The following CCDC102B variants were observed in gnomAD, a reference collection of about 807,000 sequenced individuals.
CCDC102B encodes coiled-coil domain-containing protein 102B.
In CCDC102B, 75 loss-of-function variants were observed where a neutral mutation model predicts 57.4. That is an observed-to-expected ratio of 1.31 (90% confidence interval 1.08 to 1.58). The LOEUF (loss-of-function observed/expected upper bound fraction) is 1.58. Ranked by LOEUF, CCDC102B falls within the 40% of genes most tolerant of loss-of-function variation. The pLI, the probability that CCDC102B is intolerant of heterozygous loss-of-function variation, is 0.00. For missense variants in CCDC102B, 636 were observed against 582.6 expected, an observed-to-expected ratio of 1.09 and a Z score of -0.94; for synonymous variants, 206 against 201.9, an observed-to-expected ratio of 1.02 and a Z score of -0.17.
chr18:68,756,174 GAAC>G (rs1272756998), intron 2 of CCDC102B, among the ~76,000 whole-genome samples: 1 of 151,558 alleles, frequency 6.6e-6, no homozygotes, highest in African/African-American at 2.4e-5. Flanking sequence ...AAAGAAATAA[GAAC>G]AAATAATATG....
At chr18:68,771,532 T>C (rs897353958) in intron 2 of CCDC102B, among the ~76,000 whole-genome samples, 2 of 152,166 alleles carry the variant, frequency 1.3e-5, no homozygotes, top group Admixed American at 6.5e-5. Flanking sequence ...CCTCACCTTA[T>C]CTTGCTCTCT....
intron 6 of CCDC102B, among the ~76,000 whole-genome samples, chr18:68,985,528 G>T (rs1477653094): frequency 6.6e-6 from 1 of 152,134 alleles, no homozygotes; most frequent in Non-Finnish European, 1.5e-5. Context: ...ATTGGTAATG[G>T]TAGGAAGGAG....
At chr18:68,801,976 T>A (rs1330137684) in intron 1 of CCDC102B, among the ~76,000 whole-genome samples, 1 of 152,110 alleles carries the variant, frequency 6.6e-6, no homozygotes. Context: ...TGAACAAGCG[T>A]TTCTTCTCTG....
intron 2 of CCDC102B, among the ~76,000 whole-genome samples, chr18:68,725,691 G>A (rs758383586): frequency 1.3e-5 from 2 of 152,126 alleles, no homozygotes; most frequent in African/African-American, 2.4e-5. Context: ...GGCCTGTGTG[G>A]TTATTTTGGG....
At position 68,862,383 on chromosome 18, in the gene CCDC102B, C is replaced by T. The variant is rs2038799614; in HGVS notation, c.937-12286C>T. 2.6e-5 allele frequency among the ~76,000 whole-genome samples: 4 copies of T among 152,028 alleles called. No individual in the cohort carries two copies. In the South Asian group the frequency reaches 8.3e-4, roughly 32 times the overall value. ...CAGGCACTGAACCCTCACTTTAATG[C>T]AATTGAGTTAGGTATTACAAAATGG... On this transcript the variant is annotated intron_variant, in intron 4 of 7. Coordinates refer to ENST00000360242, the MANE Select transcript of CCDC102B (RefSeq NM_024781.3).
intron 6 of CCDC102B, among the ~76,000 whole-genome samples, chr18:68,937,748 T>C (rs1037474401): frequency 6.9e-6 from 1 of 144,428 alleles, no homozygotes; most frequent in African/African-American, 2.5e-5. Context: ...ATCCCTCCCC[T>C]ATCCCCCTAC....
intron 7 of CCDC102B, among the ~76,000 whole-genome samples, chr18:69,019,525 A>G (rs977480459): frequency 2.0e-5 from 3 of 151,840 alleles, no homozygotes; most frequent in Non-Finnish European, 4.4e-5. Context: ...TCTTGTTCAG[A>G]TAGTTTGTTT....
At chr18:68,896,042 G>T (rs1295433036) in intron 5 of CCDC102B, among the ~76,000 whole-genome samples, 1 of 151,950 alleles carries the variant, frequency 6.6e-6, no homozygotes, top group Admixed American at 6.6e-5. Flanking sequence ...AACCTTGTCA[G>T]ATTAAATAAG....
chr18:68,727,016 C>T (rs953834456), intron 2 of CCDC102B, among the ~76,000 whole-genome samples: 1 of 152,080 alleles, frequency 6.6e-6, no homozygotes, highest in East Asian at 1.9e-4. Context: ...AGAACTAATG[C>T]CAAATAGACC....
intron 7 of CCDC102B, among the ~76,000 whole-genome samples, chr18:69,053,191 T>G (rs1354257720): frequency 4.6e-5 from 7 of 151,758 alleles, no homozygotes; most frequent in African/African-American, 1.7e-4. Flanking sequence ...AGACCACAGA[T>G]GAAACATTAC....
chr18:68,999,005 G>T (rs71368378), intron 6 of CCDC102B, among the ~76,000 whole-genome samples: 54 of 50,068 alleles, frequency 1.1e-3, no homozygotes, highest in East Asian at 3.4e-3. Flanking sequence ...TATATAGAGA[G>T]AGAGAGAGAG....
At chr18:68,946,763 C>T (rs900715043) in intron 6 of CCDC102B, among the ~76,000 whole-genome samples, 2 of 151,906 alleles carry the variant, frequency 1.3e-5, no homozygotes, top group African/African-American at 2.4e-5. Context: ...AATTTTGTTT[C>T]AATAATGGTT....
chr18:68,981,623 C>T (rs951282745), intron 6 of CCDC102B, among the ~76,000 whole-genome samples: 3 of 151,972 alleles, frequency 2.0e-5, no homozygotes, highest in African/African-American at 4.8e-5. Flanking sequence ...AAAAAACACA[C>T]AAAGCCCTTG....
intron 2 of CCDC102B, among the ~76,000 whole-genome samples, chr18:68,742,050 C>T (rs531689426): frequency 1.3e-5 from 2 of 152,318 alleles, no homozygotes; most frequent in Admixed American, 6.5e-5. Context: ...GCTGCTGGAA[C>T]AAGTGACTAC....
At chr18:68,855,799 A>G (rs1218051987) in intron 4 of CCDC102B, among the ~76,000 whole-genome samples, 1 of 146,572 alleles carries the variant, frequency 6.8e-6, no homozygotes, top group Admixed American at 6.9e-5. Flanking sequence ...AATAAAGAAC[A>G]TATACATGAT....
chr18:68,948,666 G>T (rs1256860453), intron 6 of CCDC102B, among the ~76,000 whole-genome samples: 3 of 151,886 alleles, frequency 2.0e-5, no homozygotes, highest in African/African-American at 4.8e-5. Context: ...CAACTCCTCG[G>T]AAGCCTCTAT....
At chr18:69,022,045 C>A (rs1025501324) in intron 7 of CCDC102B, among the ~76,000 whole-genome samples, 1 of 152,050 alleles carries the variant, frequency 6.6e-6, no homozygotes, top group Non-Finnish European at 1.5e-5. Context: ...TAAAACTTTT[C>A]TGAGTTGTAT....
Position 68,960,866 on chromosome 18 carries a change from G to C in CCDC102B, c.1264-50068G>C, listed in dbSNP as rs371542663. Among the ~76,000 whole-genome samples the C allele has an allele frequency of 5.9e-5, 9 of 152,306 alleles. No individual in the cohort carries two copies. The South Asian group carries it at 1.7e-3, about 28-fold the overall frequency. On this transcript the variant is annotated intron_variant, in intron 6 of 7. Coordinates refer to ENST00000360242, the MANE Select transcript of CCDC102B (RefSeq NM_024781.3). ...GTGCAGGTTTTCTCAGAGCTGCCAA[G>C]GGATGGGGAAGGTGGTGTTAGCAAT...
chr18:68,829,731 AT>A (rs1415949242), intron 1 of CCDC102B, among the ~76,000 whole-genome samples: 1 of 151,890 alleles, frequency 6.6e-6, no homozygotes, highest in Non-Finnish European at 1.5e-5. Context: ...AGCCACACAG[AT>A]TCTTTAAGAA....
Sources: allele counts gnomAD v4.1 joint callset (sites outside exome capture counted in the v4.1 genomes callset), GRCh38; gene constraint gnomAD v4.1.1; transcripts MANE v1.5; gene names NCBI Gene and HGNC (gene_info 2026-07-23, HGNC 2026-07-21).